Variants in NWD2 observed in about 807,000 individuals in gnomAD.
NWD2 encodes NACHT and WD repeat domain containing 2.
Under a neutral mutation model 132.7 loss-of-function variants are expected in NWD2, and 37 were observed. The ratio of observed to expected loss-of-function variants is 0.28; its 90% CI spans 0.21 to 0.37. NWD2 has a LOEUF of 0.37. NWD2 is among the 10% of genes least tolerant of loss of function. The pLI is 1.00. For missense variants in NWD2, 1,592 were observed against 2,122.4 expected, an observed-to-expected ratio of 0.75 and a Z score of 4.91; for synonymous variants, 705 against 803.0, an observed-to-expected ratio of 0.88 and a Z score of 2.06.
chr4:37,373,084 T>C (rs1720263978), intron 3 of NWD2, among the ~76,000 whole-genome samples: 1 of 152,222 alleles, frequency 6.6e-6, no homozygotes, highest in African/African-American at 2.4e-5. Flanking sequence ...ATAGCAAACA[T>C]TTACTTTGCA....
At chr4:37,309,496 G>A (rs1024786300) in intron 1 of NWD2, among the ~76,000 whole-genome samples, 1 of 152,158 alleles carries the variant, frequency 6.6e-6, no homozygotes, top group African/African-American at 2.4e-5. Flanking sequence ...GAAATGCAGA[G>A]AAGCAGGCCC....
At chr4:37,258,224 A>G (rs906125446) in intron 1 of NWD2, among the ~76,000 whole-genome samples, 2 of 152,272 alleles carry the variant, frequency 1.3e-5, no homozygotes, top group African/African-American at 4.8e-5. Flanking sequence ...TTTGGTACAA[A>G]TCTCTTGCAT....
chr4:37,440,812 G>A lies in NWD2; in HGVS notation c.1296+1422G>A, dbSNP rs180764582. 8.5e-5 allele frequency among the ~76,000 whole-genome samples: 13 copies of A among 152,320 alleles called. No homozygotes were observed. The East Asian group carries it at 1.7e-3, about 20-fold the overall frequency. On this transcript the variant is annotated intron_variant, in intron 6 of 6. Transcript: ENST00000309447. ...CTTCAGCCTAAACAGGATGAAACTA[G>A]TTCCATTATTTTTAACCTCCTCTTC...
intron 1 of NWD2, among the ~76,000 whole-genome samples, chr4:37,285,639 C>G (rs1001773884): frequency 6.6e-6 from 1 of 152,066 alleles, no homozygotes; most frequent in African/African-American, 2.4e-5. Flanking sequence ...AGCATATACA[C>G]TTTTTGGTTT....
chr4:37,275,676 A>G (rs1477952842), intron 1 of NWD2, among the ~76,000 whole-genome samples: 1 of 152,188 alleles, frequency 6.6e-6, no homozygotes, highest in Non-Finnish European at 1.5e-5. Context: ...ACTTCAAACT[A>G]TACTACAAGG....
At chr4:37,290,456 T>A (rs1029616690) in intron 1 of NWD2, among the ~76,000 whole-genome samples, 4 of 152,196 alleles carry the variant, frequency 2.6e-5, no homozygotes, top group African/African-American at 9.7e-5. Flanking sequence ...AGTGTGACGA[T>A]ATCACAGAAG....
At chr4:37,300,257 G>A (rs1560388804) in intron 1 of NWD2, among the ~76,000 whole-genome samples, 1 of 152,142 alleles carries the variant, frequency 6.6e-6, no homozygotes, top group Non-Finnish European at 1.5e-5. Context: ...ATTATATCAT[G>A]AGACTGAGGG....
Position 37,445,431 on chromosome 4 carries a change from T to G in NWD2, c.3443T>G (p.Leu1148Arg). The change falls in exon 7 of 7, where the codon CTT becomes CGT. Residue 1148 changes from leucine to arginine, a missense_variant. This residue lies in a region of NWD2 where 1,071 missense variants were observed against 1,398.0 expected (regional missense o/e 0.77). Coordinates refer to ENST00000309447, the MANE Select transcript of NWD2 (RefSeq NM_001144990.2). This position sits in a 1 kb window ranked among gnomAD's most constrained non-coding sequence, Gnocchi z 4.7. ...SEFSGGFVKF[L>R]LILDTAQEMV... ...TTTTCAGGTGGATTTGTGAAGTTTC[T>G]TCTTATCTTGGACACAGCTCAGGAA... 1 of 1,551,916 alleles carries G rather than the reference T, an allele frequency of 6.4e-7. No individual in the cohort carries two copies. Among genetic ancestry groups the G allele is most frequent in the Non-Finnish European group, 8.7e-7 (1 of 1,147,044 alleles).
Position 37,253,527 on chromosome 4 carries a change from T to A in NWD2, c.151+8309T>A, listed in dbSNP as rs549644924. On this transcript the variant is annotated intron_variant, in intron 1 of 6. Coordinates refer to ENST00000309447, the MANE Select transcript of NWD2 (RefSeq NM_001144990.2). ...GTTTCTTCTTCCTTTGCTTTCCAGT[T>A]CTGGGAAGGTTAAATGAGGTAAAGG... Among the ~76,000 whole-genome samples the A allele has an allele frequency of 1.7e-3, 261 of 152,264 alleles. No homozygotes were observed. The Middle Eastern group carries it at 0.037, about 22-fold the overall frequency.
At chr4:37,295,451 C>CCTTA (rs1164010807) in intron 1 of NWD2, among the ~76,000 whole-genome samples, 1 of 152,170 alleles carries the variant, frequency 6.6e-6, no homozygotes, top group African/African-American at 2.4e-5. Context: ...TCATGCTGCG[C>CCTTA]CTTAGCTCAG....
At position 37,352,874 on chromosome 4, in the gene NWD2, G is replaced by A. The variant is rs113437582; in HGVS notation, c.241-3492G>A. On this transcript the variant is annotated intron_variant, in intron 2 of 6. Transcript: ENST00000309447. The stretch of plus-strand genomic sequence containing the variant: ...TTGTATTTAAGGTTAATATTGTTAT[G>A]TGTGAATTTCATCCTATCATTATGA... Among the ~76,000 whole-genome samples the A allele has an allele frequency of 3.9e-5, 6 of 152,138 alleles. No individual in the cohort carries two copies. In the East Asian group the frequency reaches 7.7e-4, roughly 20 times the overall value.
intron 1 of NWD2, among the ~76,000 whole-genome samples, chr4:37,311,919 G>A (rs1022781518): frequency 3.0e-4 from 46 of 151,654 alleles, no homozygotes; most frequent in African/African-American, 1.0e-3. Flanking sequence ...TGTCAGGTTT[G>A]TCAAAGATCA....
At chr4:37,398,119 C>G (rs1287971041) in intron 3 of NWD2, among the ~76,000 whole-genome samples, 1 of 152,212 alleles carries the variant, frequency 6.6e-6, no homozygotes, top group African/African-American at 2.4e-5. Flanking sequence ...GCACTCTATT[C>G]AAACATCAGT....
At chr4:37,437,386 G>C (rs907001361) in intron 5 of NWD2, among the ~76,000 whole-genome samples, 2 of 152,116 alleles carry the variant, frequency 1.3e-5, no homozygotes, top group Non-Finnish European at 2.9e-5. Context: ...ATTCATAAAG[G>C]CTCTGCCCTC....
intron 3 of NWD2, among the ~76,000 whole-genome samples, chr4:37,404,354 A>G (rs566305942): frequency 1.1e-4 from 16 of 152,192 alleles, no homozygotes; most frequent in South Asian, 2.1e-4. Context: ...GTTAATAACT[A>G]TGAGCATTTG....
chr4:37,247,147 T>G (rs1441945878), intron 1 of NWD2, among the ~76,000 whole-genome samples: 1 of 152,194 alleles, frequency 6.6e-6, no homozygotes, highest in Non-Finnish European at 1.5e-5. Context: ...CTGGGAAGTT[T>G]CAATAGGGGC....
chr4:37,295,658 T>C (rs193223942), intron 1 of NWD2, among the ~76,000 whole-genome samples: 10 of 152,326 alleles, frequency 6.6e-5, no homozygotes, highest in Admixed American at 3.3e-4. Context: ...GTGATTCCCA[T>C]AACTTCGTCT....
At chr4:37,254,564 A>G (rs1560377882) in intron 1 of NWD2, among the ~76,000 whole-genome samples, 1 of 152,208 alleles carries the variant, frequency 6.6e-6, no homozygotes, top group South Asian at 2.1e-4. Flanking sequence ...ATATGCAATC[A>G]GTGTAGAAGG....
chr4:37,369,266 G>A (rs1720168066), intron 3 of NWD2, among the ~76,000 whole-genome samples: 1 of 152,088 alleles, frequency 6.6e-6, no homozygotes, highest in Non-Finnish European at 1.5e-5. Context: ...CTTACAATCT[G>A]TTTGAGGTTT....
Sources: gnomAD v4.1 joint callset for allele counts (sites outside exome capture counted in the v4.1 genomes callset) on GRCh38, gnomAD v4.1.1 for gene constraint, gnomAD v4.1.1 regional missense constraint, Gnocchi (gnomAD v3.1) non-coding constraint, MANE v1.5 for transcripts, NCBI Gene and HGNC (gene_info 2026-07-23, HGNC 2026-07-21) for gene names.